Variants in SVOPL observed in about 807,000 individuals in gnomAD.
SVOPL encodes the protein SVOP like.
SVOPL carries 60 observed loss-of-function variants against 61.0 expected under a neutral mutation model. That is an observed-to-expected ratio of 0.98 (90% CI 0.80 to 1.22). The LOEUF (loss-of-function observed/expected upper bound fraction) is 1.22, where lower values mean the gene tolerates loss of function less well. SVOPL is among the 50% of genes most tolerant of loss of function. The pLI is 0.00. For missense variants in SVOPL, 662 were observed against 643.9 expected (o/e 1.03, Z -0.30); for synonymous variants, 279 against 250.0 (o/e 1.12, Z -1.09).
intron 7 of SVOPL, among the ~76,000 whole-genome samples, 189 bp from the exon 8 acceptor site, chr7:138,649,326 C>T (rs969312024): frequency 6.6e-6 from 1 of 152,182 alleles, no homozygotes; most frequent in African/African-American, 2.4e-5. Context: ...ACAGGGTCCA[C>T]TCTCTCACCC....
At chr7:138,675,308 A>G (rs941707652) in intron 3 of SVOPL, among the ~76,000 whole-genome samples, 5 of 152,286 alleles carry the variant, frequency 3.3e-5, no homozygotes, top group Non-Finnish European at 7.4e-5. Flanking sequence ...TGAAAGATGC[A>G]TCAAACTCAC....
At chr7:138,595,029 TACAGACG>T (rs1307394221) in intron 15 of SVOPL, among the ~76,000 whole-genome samples, 4 of 152,074 alleles carry the variant, frequency 2.6e-5, no homozygotes, top group Admixed American at 2.0e-4. Flanking sequence ...GTGCTAGGAT[TACAGACG>T]TGAGCCACTG....
At chr7:138,682,968 C>CAAAAAA (rs762982090) in intron 1 of SVOPL, among the ~76,000 whole-genome samples, 3 of 95,432 alleles carry the variant, frequency 3.1e-5, no homozygotes, top group African/African-American at 1.1e-4. Context: ...AACTCCATCT[C>CAAAAAA]AAAAAAAAAA....
At chr7:138,687,538 A>G (rs1326197180) in intron 1 of SVOPL, among the ~76,000 whole-genome samples, 1 of 151,582 alleles carries the variant, frequency 6.6e-6, no homozygotes, top group East Asian at 1.9e-4. Context: ...CACTTGCCCT[A>G]CATTTTTTTT....
chr7:138,662,924 C>T (rs1802061984), intron 5 of SVOPL, 150 bp downstream of exon 5: 3 of 1,473,566 alleles, frequency 2.0e-6, no homozygotes, highest in African/African-American at 2.8e-5. Context: ...AGAAGATAAG[C>T]CTGGAATGTT....
chr7:138,680,000 C>T (rs183528140), intron 1 of SVOPL, among the ~76,000 whole-genome samples: 155 of 152,160 alleles, frequency 1.0e-3, no homozygotes, highest in Admixed American at 6.6e-3. Context: ...ACTCTGAGAC[C>T]GGTAACCAAC....
At chr7:138,596,984 C>CA in intron 14 of SVOPL, 6 of 1,134,150 alleles carry the variant, frequency 5.3e-6, no homozygotes, top group Non-Finnish European at 6.6e-6. Flanking sequence ...GGTGTTATCT[C>CA]AGAGTCTCTG....
chr7:138,695,406 GGAGGCT>G (rs1803044141), intron 1 of SVOPL, among the ~76,000 whole-genome samples: 1 of 152,160 alleles, frequency 6.6e-6, no homozygotes, highest in African/African-American at 2.4e-5. Flanking sequence ...TCGCTACCTG[GGAGGCT>G]GAGGTGGGAG....
At chr7:138,659,441 G>A (rs1801902129) in intron 6 of SVOPL, among the ~76,000 whole-genome samples, 1 of 151,218 alleles carries the variant, frequency 6.6e-6, no homozygotes, top group South Asian at 2.1e-4. Context: ...GCAGTGAACT[G>A]AGATTGTGCC....
At chr7:138,641,362 G>A (rs770417795) in intron 9 of SVOPL, among the ~76,000 whole-genome samples, 2 of 151,888 alleles carry the variant, frequency 1.3e-5, no homozygotes, top group Non-Finnish European at 2.9e-5. Context: ...TCAATCATAT[G>A]CTAGAATGCA....
chr7:138,668,684 C>A (rs113078409), intron 4 of SVOPL, among the ~76,000 whole-genome samples: 1,802 of 152,272 alleles, frequency 0.012, 22 homozygotes, highest in South Asian at 0.057. Flanking sequence ...GGTGCCACCC[C>A]CAAAGATTAA....
In SVOPL at chr7:138,678,420, G is replaced by C. The variant is rs750108058; in HGVS notation, c.174+14C>G. On this transcript the variant is annotated intron_variant, in intron 3 of 15. Coordinates refer to ENST00000674285, the MANE Select transcript of SVOPL (RefSeq NM_001139456.2). The stretch of plus-strand genomic sequence containing the variant: ...GTTTGACACTTTTCGTCAACATCTC[G>C]AAGGAGCACTCACCCCAGTACTGCC... The C allele has an allele frequency of 1.3e-6, 2 of 1,547,162 alleles. No individual in the cohort carries two copies. Among genetic ancestry groups the C allele is most frequent in the South Asian group, 2.4e-5 (2 of 83,160 alleles).
chr7:138,663,664 C>A, intron 4 of SVOPL: 1 of 929,624 alleles, frequency 1.1e-6, no homozygotes, highest in Non-Finnish European at 1.3e-6. Context: ...CTGTCCTCCC[C>A]TGATAAAATT....
intron 14 of SVOPL, among the ~76,000 whole-genome samples, chr7:138,612,258 C>T (rs1410562582): frequency 2.8e-5 from 1 of 35,994 alleles, no homozygotes; most frequent in African/African-American, 7.0e-5. Context: ...ACAAACACTG[C>T]GGAAGGCCGC....
rs77806752 is a variant in SVOPL, at chr7:138,671,865, G to T, written c.273+154C>A. ...ATTAGGCATGCTAGGAAAAGAAAAA[G>T]GTGACGAAGACATCAAATGCTGCAA... On this transcript the variant is annotated intron_variant, in intron 4 of 15. Coordinates refer to ENST00000674285, the MANE Select transcript of SVOPL (RefSeq NM_001139456.2). Among the ~76,000 whole-genome samples the T allele has an allele frequency of 8.9e-3, 1,357 of 152,272 alleles. 18 individuals carry two copies. The highest frequency in any genetic ancestry group is 0.031 in the African/African-American group (1,302 of 41,542).
chr7:138,611,123 T>A (rs911850329), intron 14 of SVOPL, among the ~76,000 whole-genome samples: 1 of 152,312 alleles, frequency 6.6e-6, no homozygotes, highest in South Asian at 2.1e-4. Flanking sequence ...ACGCCTGTAA[T>A]CCCAGCACTT....
At chr7:138,690,952 T>A (rs1217836144) in intron 1 of SVOPL, among the ~76,000 whole-genome samples, 1 of 152,068 alleles carries the variant, frequency 6.6e-6, no homozygotes, top group Non-Finnish European at 1.5e-5. Context: ...TTTTTGTAAT[T>A]TTACTAGAGA....
At chr7:138,608,456 T>A (rs531665425) in intron 14 of SVOPL, among the ~76,000 whole-genome samples, 3 of 152,016 alleles carry the variant, frequency 2.0e-5, no homozygotes, top group Non-Finnish European at 2.9e-5. Flanking sequence ...GAGTAAAAAA[T>A]GGATTTTCAA....
At chr7:138,656,897 C>T (rs1166111134) in intron 6 of SVOPL, among the ~76,000 whole-genome samples, 1 of 151,866 alleles carries the variant, frequency 6.6e-6, no homozygotes, top group Non-Finnish European at 1.5e-5. Context: ...ACAAAATTAG[C>T]TGGGTGTGGT....
Sources: allele counts gnomAD v4.1 joint callset (sites outside exome capture counted in the v4.1 genomes callset), GRCh38; gene constraint gnomAD v4.1.1; transcripts MANE v1.5; gene names NCBI Gene and HGNC (gene_info 2026-07-23, HGNC 2026-07-21).